The following RAC2 variants were observed in gnomAD, a reference collection of about 807,000 sequenced individuals.
RAC2 encodes the protein ras-related C3 botulinum toxin substrate 2.
RAC2 carries 1 observed loss-of-function variant against 24.0 expected under a neutral mutation model. The observed-to-expected ratio is 0.04, with a 90% confidence interval of 0.01 to 0.20. The LOEUF is 0.20. Among genes scored for constraint, RAC2 ranks in the 10% least tolerant of loss-of-function variants. RAC2 has a pLI of 1.00. For missense variants in RAC2, 130 were observed against 259.1 expected, an observed-to-expected ratio of 0.50 and a Z score of 3.42; for synonymous variants, 114 against 106.8, an observed-to-expected ratio of 1.07 and a Z score of -0.41.
At chr22:37,241,918 G>A (rs576557697) in intron 1 of RAC2, among the ~76,000 whole-genome samples, 22 of 152,290 alleles carry the variant, frequency 1.4e-4, no homozygotes, top group Admixed American at 1.0e-3. Context: ...CTGGCAATCC[G>A]CTTTTCCCAC....
chr22:37,241,384 T>C (rs1289364564), intron 2 of RAC2, among the ~76,000 whole-genome samples: 1 of 152,158 alleles, frequency 6.6e-6, no homozygotes, highest in African/African-American at 2.4e-5. Flanking sequence ...CCTTCCTCCA[T>C]ACCCCATCCC....
chr22:37,232,552 G>T, intron 3 of RAC2: 1 of 542,350 alleles, frequency 1.8e-6, no homozygotes, highest in South Asian at 2.0e-5. Context: ...GGAAACAGGG[G>T]GTGCCAGAGC....
At chr22:37,240,812 TGGGGAGAAAAAGCACTATGG>T in intron 2 of RAC2, 1 of 563,012 alleles carries the variant, frequency 1.8e-6, no homozygotes, top group Non-Finnish European at 3.2e-6. Context: ...CAGGTGGATG[TGGGGAGAAAAAGCACTATGG>T]GGAGAGAGAA....
intron 2 of RAC2, among the ~76,000 whole-genome samples, chr22:37,234,401 C>G (rs780483805): frequency 7.9e-5 from 12 of 152,324 alleles, no homozygotes; most frequent in Non-Finnish European, 1.6e-4. Flanking sequence ...CAAGGCCACA[C>G]AGCCAGTGAG....
In RAC2 at chr22:37,228,000, A is replaced by G. The variant is rs200566107; in HGVS notation, c.449-1197T>C. Among the ~76,000 whole-genome samples, 5 of 152,256 alleles carry G rather than the reference A, an allele frequency of 3.3e-5. No homozygotes were observed. The East Asian group carries it at 9.7e-4, about 29-fold the overall frequency. ...CAAATCTCTGGGAGCCTCACCTTCT[A>G]GAAAATTGTCTTGCCCATCCCTCCA... On this transcript the variant is annotated intron_variant, in intron 5 of 6. Coordinates refer to ENST00000249071, the MANE Select transcript of RAC2 (RefSeq NM_002872.5).
chr22:37,226,656 G>C lies in RAC2; in HGVS notation c.*2+15C>G. The C allele has an allele frequency of 6.2e-7, 1 of 1,612,154 alleles. No homozygotes were observed. Among genetic ancestry groups the C allele is most frequent in the Non-Finnish European group, 8.5e-7 (1 of 1,179,090 alleles). ...CTGTGTATGGGAGTTGGGCACTAGA[G>C]TGGGGGACTCTTACCCCTAGAGGAG... On this transcript the variant is annotated intron_variant, in intron 6 of 6. Coordinates refer to ENST00000249071, the MANE Select transcript of RAC2 (RefSeq NM_002872.5).
At chr22:37,226,923 C>T in intron 5 of RAC2, 120 bp from the exon 6 acceptor site, 1 of 1,270,042 alleles carries the variant, frequency 7.9e-7, no homozygotes, top group Non-Finnish European at 1.1e-6. Flanking sequence ...GCCATACACC[C>T]CTCCCACGCC....
intron 1 of RAC2, among the ~76,000 whole-genome samples, chr22:37,242,300 C>G (rs1927423198): frequency 6.6e-6 from 1 of 152,210 alleles, no homozygotes; most frequent in Admixed American, 6.5e-5. Context: ...GGTCTGGGTT[C>G]AAATCCTGTG....
intron 2 of RAC2, among the ~76,000 whole-genome samples, chr22:37,237,720 C>T (rs1388659699): frequency 6.6e-6 from 1 of 151,918 alleles, no homozygotes; most frequent in Non-Finnish European, 1.5e-5. Context: ...TCCCCGGGGT[C>T]GGGGAGGCAG....
At chr22:37,242,919 C>T (rs1927449591) in intron 1 of RAC2, among the ~76,000 whole-genome samples, 1 of 152,224 alleles carries the variant, frequency 6.6e-6, no homozygotes, top group Admixed American at 6.5e-5. Context: ...CTAGAACATG[C>T]TCCAGGGTGA....
chr22:37,231,169 C>A lies in RAC2; in HGVS notation c.448+62G>T. 6.3e-7 allele frequency: 1 copy of A among 1,592,180 alleles called. No individual in the cohort carries two copies. Among genetic ancestry groups the A allele is most frequent in the Non-Finnish European group, 8.6e-7 (1 of 1,162,488 alleles). ...CTGCAGCCCGTGTTTACAATCACAC[C>A]ACGAGGCCAAGTCAGGGCCTCCCCT... On this transcript the variant is annotated intron_variant, in intron 5 of 6. Transcript: ENST00000249071. This position sits in a 1 kb window ranked among gnomAD's most constrained non-coding sequence, Gnocchi z 5.5.
At chr22:37,229,764 G>A (rs1926999490) in intron 5 of RAC2, among the ~76,000 whole-genome samples, 1 of 152,230 alleles carries the variant, frequency 6.6e-6, no homozygotes, top group Admixed American at 6.5e-5. Flanking sequence ...ACCACCTTAT[G>A]GAGGAGAGAG....
chr22:37,240,520 A>G (rs1927355550), intron 2 of RAC2, among the ~76,000 whole-genome samples: 1 of 151,540 alleles, frequency 6.6e-6, no homozygotes, highest in Non-Finnish European at 1.5e-5. Context: ...GATGGTGGCT[A>G]TGATCGATCT....
At position 37,228,907 on chromosome 22, in the gene RAC2, A is replaced by AT. The variant is rs1400232547; in HGVS notation, c.449-2105dup. 1.9e-4 allele frequency among the ~76,000 whole-genome samples: 29 copies of AT among 152,312 alleles called. 1 individual carries two copies. The highest frequency in any genetic ancestry group is 1.4e-3 in the Admixed American group (22 of 15,304). On this transcript the variant is annotated intron_variant, in intron 5 of 6. Coordinates refer to ENST00000249071, the MANE Select transcript of RAC2 (RefSeq NM_002872.5). ...CTGGAGGCATATACGCCCACCAGGG[A>AT]TCATGGGCAGTGGTTGTCATGGGGC...
chr22:37,231,960 G>A lies in RAC2; in HGVS notation c.260C>T (p.Pro87Leu). Reference sequence around the variant, plus strand: ...GGCGCGGACGTTCTCATAAGAGGCTGGGCTGACGAGGGAGAAGCAGATGAG... The same window carrying A: ...GGCGCGGACGTTCTCATAAGAGGCTAGGCTGACGAGGGAGAAGCAGATGAG... Reference protein sequence around the residue: ...VFLICFSLVSPASYENVRAKW... With the variant: ...VFLICFSLVSLASYENVRAKW... Residue 87 changes from proline to leucine, a missense_variant, in exon 4 of 7, where the codon CCA (proline) becomes CTA (leucine). By Grantham distance (98) the Pro-to-Leu change is moderately conservative. This residue lies in a region of RAC2 where 119 missense variants were observed against 192.1 expected (regional missense o/e 0.62). Transcript: ENST00000249071. The surrounding 1 kb of genome is among the most constrained non-coding windows in gnomAD (Gnocchi z 5.5). 6.4e-7 allele frequency: 1 copy of A among 1,552,378 alleles called. No individual in the cohort carries two copies. The highest frequency in any genetic ancestry group is 8.7e-7 in the Non-Finnish European group (1 of 1,147,484).
intron 5 of RAC2, among the ~76,000 whole-genome samples, chr22:37,227,802 C>T (rs1046129824): frequency 2.0e-5 from 3 of 151,866 alleles, no homozygotes; most frequent in South Asian, 2.1e-4. Flanking sequence ...AGGAGTTTAA[C>T]GTCACCGTGC....
At chr22:37,227,491 T>C (rs915269041) in intron 5 of RAC2, among the ~76,000 whole-genome samples, 39 of 1,572 alleles carry the variant, frequency 0.025, no homozygotes, top group East Asian at 0.048. Context: ...ACGCCATACA[T>C]CCCTCCCACG....
chr22:37,243,613 C>T (rs966886571), intron 1 of RAC2, among the ~76,000 whole-genome samples: 8 of 152,202 alleles, frequency 5.3e-5, no homozygotes, highest in African/African-American at 1.2e-4. Context: ...TTATCTCAAG[C>T]GACCCCACAG....
At chr22:37,226,242 C>T (rs1926832245) in intron 6 of RAC2, among the ~76,000 whole-genome samples, 1 of 151,994 alleles carries the variant, frequency 6.6e-6, no homozygotes, top group Non-Finnish European at 1.5e-5. Flanking sequence ...TGTGGGCTGC[C>T]TCCAACTCAC....
Sources: gnomAD v4.1 joint callset for allele counts (sites outside exome capture counted in the v4.1 genomes callset) on GRCh38, gnomAD v4.1.1 for gene constraint, gnomAD v4.1.1 regional missense constraint, Gnocchi (gnomAD v3.1) non-coding constraint, MANE v1.5 for transcripts, NCBI Gene and HGNC (gene_info 2026-07-23, HGNC 2026-07-21) for gene names.